DMD: variants seen among roughly 807,000 people sequenced by gnomAD.
DMD encodes dystrophin.
A neutral mutation model predicts 330.1 loss-of-function variants in DMD; 63 were observed. The ratio of observed to expected loss-of-function variants is 0.19; its 90% CI spans 0.16 to 0.24. DMD has a LOEUF of 0.24. Among genes scored for constraint, DMD ranks in the 10% least tolerant of loss-of-function variants. The pLI is 1.00. For missense variants in DMD, 3,344 were observed against 2,684.1 expected, an observed-to-expected ratio of 1.25 and a Z score of -5.43; for synonymous variants, 1,223 against 959.8, an observed-to-expected ratio of 1.27 and a Z score of -5.07.
At chrX:33,201,483 T>C (rs1243808525) in intron 1 of DMD, among the ~76,000 whole-genome samples, 1 of 111,040 alleles carries the variant, frequency 9.0e-6, no homozygotes, top group Non-Finnish European at 1.9e-5. Flanking sequence ...GACGTTATCG[T>C]ACAGAGTGCA....
chrX:31,525,686 G>A (rs2073189485), intron 55 of DMD, among the ~76,000 whole-genome samples: 2 of 111,706 alleles, frequency 1.8e-5, no homozygotes, highest in South Asian at 3.7e-4. Flanking sequence ...CCATACCTCT[G>A]AAATAAAAGC....
chrX:32,763,885 G>A (rs1224115078), intron 7 of DMD, among the ~76,000 whole-genome samples: 2 of 111,246 alleles, frequency 1.8e-5, no homozygotes, highest in South Asian at 3.8e-4. Context: ...AATAAAAAAC[G>A]TTTGTTGATT....
chrX:32,059,809 C>G (rs1309862510), intron 44 of DMD, among the ~76,000 whole-genome samples: 1 of 110,867 alleles, frequency 9.0e-6, no homozygotes, highest in Admixed American at 9.6e-5. Context: ...TAGTAAGATA[C>G]CTGAAATATG....
intron 7 of DMD, among the ~76,000 whole-genome samples, chrX:32,780,190 C>G (rs903765736): frequency 8.9e-6 from 1 of 111,849 alleles, no homozygotes; most frequent in African/African-American, 3.3e-5. Flanking sequence ...ATATAAATTA[C>G]CAAGAGGATT....
rs1364451864 is a variant in DMD at position 32,245,980 on chromosome X, C to A, written c.6291-28917G>T. Among the ~76,000 whole-genome samples, 8 of 97,924 alleles carry A rather than the reference C, an allele frequency of 8.2e-5. 1 individual carries two copies. The highest frequency in any genetic ancestry group is 3.1e-4 in the African/African-American group (8 of 25,698). The allele number at this position is 97,924 out of a possible 115,157, so 85.0% of individuals were successfully genotyped here. On this transcript the variant is annotated intron_variant, in intron 43 of 78. Coordinates refer to ENST00000357033, the MANE Select transcript of DMD (RefSeq NM_004006.3). ...TCCTTCTCCTGCCTGATTGCCCTGG[C>A]CAGAACTTCCAACACTATGTTGAAT... is the stretch of plus-strand genomic sequence containing the variant.
intron 1 of DMD, among the ~76,000 whole-genome samples, chrX:33,298,778 G>T (rs766113000): frequency 8.1e-5 from 9 of 111,621 alleles, no homozygotes; most frequent in Non-Finnish European, 1.5e-4. Context: ...TTGGTTGATA[G>T]GTCTGAGAGA....
At chrX:31,174,055 T>C (rs1266086841) in intron 71 of DMD, among the ~76,000 whole-genome samples, 1 of 111,950 alleles carries the variant, frequency 8.9e-6, no homozygotes, top group Non-Finnish European at 1.9e-5. Flanking sequence ...ACAATTATTT[T>C]AGCTTCAAAG....
At chrX:32,816,428 C>T (rs2077766472) in intron 6 of DMD, 40 bp downstream of exon 6, 2 of 1,198,390 alleles carry the variant, frequency 1.7e-6, no homozygotes, top group Non-Finnish European at 2.3e-6. Context: ...TCTAAATCAC[C>T]ACTTTTACAA....
intron 43 of DMD, among the ~76,000 whole-genome samples, chrX:32,279,938 ACATATATACACATATATATGTGTAACC>A (rs1239352359): frequency 1.4e-4 from 12 of 86,567 alleles, no homozygotes; most frequent in African/African-American, 4.9e-4. Context: ...TATGTACCCC[ACATATATACACATATATATGTGTAACC>A]CATATATATA....
At chrX:32,142,434 G>A (rs759620382) in intron 44 of DMD, among the ~76,000 whole-genome samples, 1 of 111,774 alleles carries the variant, frequency 8.9e-6, no homozygotes, top group Non-Finnish European at 1.9e-5. Context: ...GAGTCCCCTT[G>A]GGGATTTTAT....
rs751120131 is a variant in DMD at position 33,008,574 on chromosome X, T to C, written c.93+11565A>G. On this transcript the variant is annotated intron_variant, in intron 2 of 78. Coordinates refer to ENST00000357033, the MANE Select transcript of DMD (RefSeq NM_004006.3). ...ATGTTTTATTCTTAAGAAAAATATA[T>C]AGTAGCCCATGAAAGGATTGCAGTG... Among the ~76,000 whole-genome samples, 658 of 109,814 alleles carry C rather than the reference T, an allele frequency of 6.0e-3. 7 individuals are homozygous for C. Among genetic ancestry groups the C allele is most frequent in the African/African-American group, 0.02 (613 of 30,296 alleles).
chrX:32,832,972 C>T (rs964257012), intron 4 of DMD, among the ~76,000 whole-genome samples: 1 of 110,897 alleles, frequency 9.0e-6, no homozygotes, highest in African/African-American at 3.3e-5. Context: ...ACATTTTGAC[C>T]TCAACTATAT....
intron 43 of DMD, among the ~76,000 whole-genome samples, chrX:32,286,710 T>C (rs2097443171): frequency 1.8e-5 from 2 of 111,603 alleles, no homozygotes; most frequent in African/African-American, 6.5e-5. Flanking sequence ...AGGTGCCTGA[T>C]GTAGTAAACC....
At chrX:33,147,538 T>C (rs2048092586) in intron 1 of DMD, among the ~76,000 whole-genome samples, 1 of 112,119 alleles carries the variant, frequency 8.9e-6, no homozygotes, top group Non-Finnish European at 1.9e-5. Flanking sequence ...ATTTAAGCAT[T>C]TTTTGTCTCT....
chrX:32,828,838 A>G (rs12008991), intron 4 of DMD, among the ~76,000 whole-genome samples: 179 of 111,570 alleles, frequency 1.6e-3, no homozygotes, highest in African/African-American at 5.6e-3. Context: ...GATCAAATAC[A>G]TCACTTTGTT....
chrX:32,054,089 G>GAC, intron 44 of DMD, among the ~76,000 whole-genome samples: 1 of 18,209 alleles, frequency 5.5e-5, no homozygotes, highest in Non-Finnish European at 1.0e-4. Flanking sequence ...GTGTGTGTGT[G>GAC]AGAGAGAGAG....
chrX:33,231,227 T>C (rs2052383465), intron 1 of DMD, among the ~76,000 whole-genome samples: 1 of 111,378 alleles, frequency 9.0e-6, no homozygotes, highest in South Asian at 3.8e-4. Context: ...GTAGGGCACA[T>C]TGTCACCAGT....
At chrX:32,887,745 C>CAAAAAAAAAAAAAAAAAAAAAAAAA (rs771100080) in intron 2 of DMD, among the ~76,000 whole-genome samples, 1 of 6,493 alleles carries the variant, frequency 1.5e-4, no homozygotes, top group African/African-American at 4.4e-4. Context: ...AAGACTGTCT[C>CAAAAAAAAAAAAAAAAAAAAAAAAA]AAAAAAAAAA....
At chrX:31,379,764 C>G (rs1315329921) in intron 60 of DMD, among the ~76,000 whole-genome samples, 3 of 112,212 alleles carry the variant, frequency 2.7e-5, no homozygotes, top group Non-Finnish European at 5.6e-5. Flanking sequence ...TGGCCTCCCC[C>G]AGGAGCTTGC....
Sources: allele counts gnomAD v4.1 joint callset (sites outside exome capture counted in the v4.1 genomes callset), GRCh38; gene constraint gnomAD v4.1.1; transcripts MANE v1.5; gene names NCBI Gene and HGNC (gene_info 2026-07-23, HGNC 2026-07-21).